The following KIF15 variants were observed in gnomAD, a reference collection of about 807,000 sequenced individuals.
The protein encoded by KIF15 is kinesin-like protein KIF15.
Under a neutral mutation model 190.6 loss-of-function variants are expected in KIF15, and 140 were observed. The ratio of observed to expected loss-of-function variants is 0.73; its 90% CI spans 0.64 to 0.84. KIF15 has a LOEUF of 0.84. KIF15 is among the 40% of genes least tolerant of loss of function. The pLI is 0.00. For synonymous variants in KIF15, 528 were observed against 551.3 expected (o/e 0.96, Z 0.59); for missense variants, 1,372 against 1,584.4 (o/e 0.87, Z 2.28).
intron 7 of KIF15, among the ~76,000 whole-genome samples, chr3:44,793,150 A>C (rs1229582096): frequency 6.6e-6 from 1 of 152,138 alleles, no homozygotes; most frequent in South Asian, 2.1e-4. Context: ...TGGGATAGGT[A>C]CCCATATTCC....
At chr3:44,803,865 T>G (rs1200989604) in intron 14 of KIF15, among the ~76,000 whole-genome samples, 1 of 152,220 alleles carries the variant, frequency 6.6e-6, no homozygotes, top group Non-Finnish European at 1.5e-5. Context: ...TCTGTTGTTT[T>G]TTTTGAGATG....
In KIF15 at chr3:44,802,934, A is replaced by G. The variant is rs368480064; in HGVS notation, c.1630A>G (p.Ile544Val). Residue 544 changes from isoleucine to valine, a missense_variant, in exon 14 of 35, where the codon ATT (isoleucine) becomes GTT (valine). By Grantham distance (29) the Ile-to-Val change is conservative. Transcript: ENST00000326047. ...AGCTCAAGAAATGGATGCCCAGACC[A>G]TTGCAAAACTAGAAAAAGCTTTCTC... ...KRAQEMDAQT[I>V]AKLEKAFSEI... The G allele has an allele frequency of 3.7e-6, 6 of 1,605,632 alleles. No individual in the cohort carries two copies. The highest frequency in any genetic ancestry group is 1.7e-4 in the Middle Eastern group (1 of 6,002).
intron 6 of KIF15, chr3:44,862,114 G>A: frequency 8.0e-7 from 1 of 1,254,586 alleles, no homozygotes; most frequent in Non-Finnish European, 1.0e-6. Flanking sequence ...CTTCGGCAGC[G>A]AGGTCGAGCC....
intron 32 of KIF15, among the ~76,000 whole-genome samples, chr3:44,851,373 A>C (rs1269302022): frequency 1.3e-5 from 2 of 152,242 alleles, no homozygotes; most frequent in African/African-American, 4.8e-5. Flanking sequence ...ATTCTAAACA[A>C]CTGAAGAAAT....
chr3:44,863,636 G>A (rs1699288544), intron 6 of KIF15: 1 of 152,598 alleles, frequency 6.6e-6, no homozygotes, highest in Non-Finnish European at 1.5e-5. Context: ...ATGAAGTTAA[G>A]GAATAAATGA....
At chr3:44,777,112 G>C (rs1705927373) in intron 3 of KIF15, among the ~76,000 whole-genome samples, 1 of 148,004 alleles carries the variant, frequency 6.8e-6, no homozygotes, top group Admixed American at 7.0e-5. Context: ...ATGCCACTAT[G>C]CTTGGCTAAT....
At chr3:44,839,807 G>C (rs1001533209) in intron 27 of KIF15, among the ~76,000 whole-genome samples, 13 of 152,098 alleles carry the variant, frequency 8.5e-5, no homozygotes, top group African/African-American at 3.1e-4. Flanking sequence ...TATTTTACTT[G>C]GAACAGTGTC....
Position 44,852,269 on chromosome 3 carries a change from G to A in KIF15, c.4034G>A (p.Gly1345Asp). Reference protein sequence around the residue: ...CLAEENGKLVGHQNLHQKIQY... With the variant: ...CLAEENGKLVDHQNLHQKIQY... ...GCTGAGGAAAATGGAAAGTTGGTAG[G>A]TCACCAAAATTTGCATCAGAAGATT... is the stretch of plus-strand genomic sequence containing the variant. The change falls in exon 34 of 35, where the codon GGT becomes GAT. Residue 1345 changes from glycine (G) to aspartate (D), a missense_variant. Transcript: ENST00000326047. The A allele has an allele frequency of 6.2e-7, 1 of 1,613,484 alleles. No homozygotes were observed. The highest frequency in any genetic ancestry group is 8.5e-7 in the Non-Finnish European group (1 of 1,179,590).
intron 6 of KIF15, 86 bp from the exon 7 acceptor site, chr3:44,786,309 G>C: frequency 1.8e-6 from 2 of 1,090,062 alleles, no homozygotes; most frequent in East Asian, 4.8e-5. Context: ...TTTACATCTT[G>C]TGAAGCGAGT....
chr3:44,852,544 C>T (rs1307406253), intron 34 of KIF15, 129 bp from the exon 35 acceptor site: 5 of 833,666 alleles, frequency 6.0e-6, no homozygotes, highest in South Asian at 1.7e-5. Context: ...TCTTGTTTAA[C>T]GTTTAGTTTG....
At chr3:44,763,248 G>C (rs1187047069) in intron 1 of KIF15, among the ~76,000 whole-genome samples, 2 of 152,324 alleles carry the variant, frequency 1.3e-5, no homozygotes, top group Admixed American at 6.5e-5. Flanking sequence ...TGGGAGAAGA[G>C]AGCCCGTGCA....
At chr3:44,833,604 G>A (rs1698171540) in intron 26 of KIF15, among the ~76,000 whole-genome samples, 1 of 152,134 alleles carries the variant, frequency 6.6e-6, no homozygotes, top group Admixed American at 6.5e-5. Context: ...AGCTCAGGCA[G>A]TAATGCGAGC....
intron 31 of KIF15, 138 bp downstream of exon 31, chr3:44,848,195 AT>A: frequency 1.6e-6 from 1 of 635,166 alleles, no homozygotes. Context: ...TTAGCATGAT[AT>A]TTACCATTAG....
intron 26 of KIF15, among the ~76,000 whole-genome samples, chr3:44,831,980 G>A (rs115309376): frequency 0.011 from 1,653 of 152,114 alleles, 24 homozygotes; most frequent in African/African-American, 0.036. Flanking sequence ...ACCTGTACCC[G>A]GCCTGGCATT....
intron 22 of KIF15, 78 bp from the exon 23 acceptor site, chr3:44,827,381 A>C (rs1184227281): frequency 2.0e-6 from 2 of 1,006,482 alleles, no homozygotes; most frequent in East Asian, 4.8e-5. Flanking sequence ...TTTGCACTTA[A>C]TCTATTCTGT....
intron 27 of KIF15, among the ~76,000 whole-genome samples, chr3:44,839,354 C>G (rs1378330349): frequency 6.6e-6 from 1 of 150,930 alleles, no homozygotes; most frequent in Non-Finnish European, 1.5e-5. Flanking sequence ...GCCTGGGCGA[C>G]AGAGAGAGAC....
At chr3:44,827,797 C>T (rs1697754624) in intron 23 of KIF15, among the ~76,000 whole-genome samples, 1 of 152,160 alleles carries the variant, frequency 6.6e-6, no homozygotes, top group Non-Finnish European at 1.5e-5. Flanking sequence ...ATTTTCCCAC[C>T]TCAGCCTCTC....
chr3:44,865,435 G>C, intron 6 of KIF15: 1 of 474,018 alleles, frequency 2.1e-6, no homozygotes, highest in Non-Finnish European at 3.8e-6. Context: ...GTGAGCCTTC[G>C]CAGATGCTGG....
At chr3:44,854,835 A>G (rs189294877), downstream of KIF15, among the ~76,000 whole-genome samples, 3 of 152,162 alleles carry the variant, frequency 2.0e-5, no homozygotes, top group Non-Finnish European at 4.4e-5. Flanking sequence ...TTGTGCCTCT[A>G]TCTCTTCTTA....
Sources: gnomAD v4.1 joint callset for allele counts (sites outside exome capture counted in the v4.1 genomes callset) on GRCh38, gnomAD v4.1.1 for gene constraint, MANE v1.5 for transcripts, NCBI Gene and HGNC (gene_info 2026-07-23, HGNC 2026-07-21) for gene names.